The following HS6ST2 variants were observed in gnomAD, a reference collection of about 807,000 sequenced individuals.
The protein encoded by HS6ST2 is heparan-sulfate 6-O-sulfotransferase 2.
HS6ST2 carries 17 observed loss-of-function variants against 33.0 expected under a neutral mutation model. That is an observed-to-expected ratio of 0.52 (90% CI 0.35 to 0.77). The LOEUF is 0.77. Among genes scored for constraint, HS6ST2 ranks in the 30% least tolerant of loss-of-function variants. HS6ST2 has a pLI of 0.01. For synonymous variants in HS6ST2, 248 were observed against 237.1 expected, an observed-to-expected ratio of 1.05 and a Z score of -0.42; for missense variants, 519 against 551.7, an observed-to-expected ratio of 0.94 and a Z score of 0.59.
intron 2 of HS6ST2, among the ~76,000 whole-genome samples, chrX:132,771,235 A>G (rs917726835): frequency 8.9e-6 from 1 of 112,507 alleles, no homozygotes; most frequent in Non-Finnish European, 1.9e-5. Flanking sequence ...AGTGTAAGAA[A>G]CTAAAGCAAA....
At chrX:132,838,918 A>G (rs746319051) in intron 2 of HS6ST2, among the ~76,000 whole-genome samples, 1 of 108,678 alleles carries the variant, frequency 9.2e-6, no homozygotes, top group Non-Finnish European at 1.9e-5. Flanking sequence ...TAAAACCACA[A>G]TGAGATACCA....
chrX:132,768,335 C>CAAAAAAAA (rs771487342), intron 2 of HS6ST2, among the ~76,000 whole-genome samples: 1 of 46,341 alleles, frequency 2.2e-5, no homozygotes, highest in Admixed American at 3.0e-4. Flanking sequence ...GACTCTGTCT[C>CAAAAAAAA]AAAAAAAAAA....
chrX:132,674,757 A>G (rs1220286673), intron 3 of HS6ST2, among the ~76,000 whole-genome samples: 1 of 112,277 alleles, frequency 8.9e-6, no homozygotes, highest in Non-Finnish European at 1.9e-5. Context: ...TCAGAGGCCA[A>G]TAGAACGGTA....
At chrX:132,786,270 G>T (rs1273102222) in intron 2 of HS6ST2, among the ~76,000 whole-genome samples, 1 of 111,848 alleles carries the variant, frequency 8.9e-6, no homozygotes, top group Non-Finnish European at 1.9e-5. Context: ...GACATCTAGA[G>T]CCTCTGCCAG....
intron 4 of HS6ST2, among the ~76,000 whole-genome samples, chrX:132,665,321 A>C (rs1032561683): frequency 1.8e-5 from 2 of 111,712 alleles, no homozygotes; most frequent in African/African-American, 6.5e-5. Context: ...GAACTGTAGC[A>C]TACATTGCAG....
At chrX:132,712,811 G>A (rs1353755005) in intron 2 of HS6ST2, among the ~76,000 whole-genome samples, 1 of 111,453 alleles carries the variant, frequency 9.0e-6, no homozygotes. Flanking sequence ...GATCACCTGA[G>A]GTCAGGAGTT....
intron 3 of HS6ST2, among the ~76,000 whole-genome samples, chrX:132,700,029 G>A (rs780897316): frequency 9.0e-6 from 1 of 111,720 alleles, no homozygotes; most frequent in South Asian, 3.8e-4. Context: ...ACTGTACATA[G>A]TAGCCTTCTT....
At chrX:132,709,235 T>C (rs1319571150) in intron 2 of HS6ST2, among the ~76,000 whole-genome samples, 1 of 112,468 alleles carries the variant, frequency 8.9e-6, no homozygotes, top group Non-Finnish European at 1.9e-5. Context: ...AGTTGCTAAT[T>C]TGAGGGTTCA....
intron 2 of HS6ST2, among the ~76,000 whole-genome samples, chrX:132,747,119 C>A (rs752516960): frequency 1.8e-5 from 2 of 111,934 alleles, no homozygotes; most frequent in Non-Finnish European, 3.8e-5. Flanking sequence ...GATGAGTCAA[C>A]CATGACAGAC....
At chrX:132,648,199 TCTC>T (rs749958477) in intron 4 of HS6ST2, among the ~76,000 whole-genome samples, 217 of 111,903 alleles carry the variant, frequency 1.9e-3, no homozygotes, top group African/African-American at 6.6e-3. Context: ...CAGAATGTGT[TCTC>T]AGTGCCTGAA....
chrX:132,866,844 T>C (rs1171699504), intron 2 of HS6ST2, among the ~76,000 whole-genome samples: 3 of 106,751 alleles, frequency 2.8e-5, no homozygotes, highest in Non-Finnish European at 5.8e-5. Context: ...CCTGAGACTT[T>C]GCTGAAGTTG....
At chrX:132,797,049 G>C (rs2065187887) in intron 2 of HS6ST2, among the ~76,000 whole-genome samples, 1 of 111,615 alleles carries the variant, frequency 9.0e-6, no homozygotes, top group African/African-American at 3.3e-5. Context: ...CGATTAGCCT[G>C]CCTGCTTGTC....
rs764268333 is a variant in HS6ST2 at position 132,784,346 on chromosome X, G to A, written c.948-75852C>T. Among the ~76,000 whole-genome samples, 8 of 111,337 alleles carry A rather than the reference G, an allele frequency of 7.2e-5. No individual in the cohort carries two copies. In the East Asian group the frequency reaches 1.1e-3, roughly 16 times the overall value. ...TTGTTTGTTGAGGCAGTCTCGCTCC[G>A]TCACCCAGGCTGGAGAGCAGTGGTG... On this transcript the variant is annotated intron_variant, in intron 2 of 4. Transcript: ENST00000370833.
chrX:132,758,000 A>T (rs1197150076), intron 2 of HS6ST2, among the ~76,000 whole-genome samples: 1 of 112,197 alleles, frequency 8.9e-6, no homozygotes, highest in African/African-American at 3.2e-5. Flanking sequence ...TTCTTCCCAA[A>T]TTTGAACACA....
chrX:132,669,267 A>C, intron 3 of HS6ST2, 68 bp from the exon 4 acceptor site: 1 of 971,013 alleles, frequency 1.0e-6, no homozygotes. Flanking sequence ...GCAATTAGTC[A>C]CTTCATTTAA....
chrX:132,634,034 C>T (rs1249432760), intron 4 of HS6ST2, among the ~76,000 whole-genome samples: 4 of 111,873 alleles, frequency 3.6e-5, no homozygotes, highest in Non-Finnish European at 7.5e-5. Flanking sequence ...ATATATGCCA[C>T]GCTGGAACGC....
intron 2 of HS6ST2, among the ~76,000 whole-genome samples, chrX:132,898,806 T>C (rs918430301): frequency 1.8e-5 from 2 of 111,144 alleles, no homozygotes; most frequent in Admixed American, 9.7e-5. Flanking sequence ...GAGAGCTACA[T>C]AGGAGAGAGC....
intron 2 of HS6ST2, among the ~76,000 whole-genome samples, chrX:132,783,445 G>C (rs1453773065): frequency 7.2e-5 from 8 of 111,321 alleles, no homozygotes; most frequent in Non-Finnish European, 3.8e-5. Flanking sequence ...GCCCAGGCAC[G>C]TGCAGTCTCT....
chrX:132,654,305 T>C (rs2063715441), intron 4 of HS6ST2, among the ~76,000 whole-genome samples: 1 of 111,264 alleles, frequency 9.0e-6, no homozygotes, highest in Admixed American at 9.6e-5. Context: ...ATGCAGCTTT[T>C]TATATGTCAA....
Sources: allele counts gnomAD v4.1 joint callset (sites outside exome capture counted in the v4.1 genomes callset), GRCh38; gene constraint gnomAD v4.1.1; transcripts MANE v1.5; gene names NCBI Gene and HGNC (gene_info 2026-07-23, HGNC 2026-07-21).